Variants in PLG observed in about 807,000 individuals in gnomAD.
PLG encodes plasminogen.
PLG carries 41 observed loss-of-function variants against 104.4 expected under a neutral mutation model. The ratio of observed to expected loss-of-function variants is 0.39; its 90% CI spans 0.31 to 0.51. The LOEUF (loss-of-function observed/expected upper bound fraction) is 0.51. Ranked by LOEUF, PLG falls within the 20% of genes least tolerant of loss-of-function variation. The pLI is 0.76. For synonymous variants in PLG, 337 were observed against 357.1 expected, an observed-to-expected ratio of 0.94 and a Z score of 0.63; for missense variants, 891 against 1,003.6, an observed-to-expected ratio of 0.89 and a Z score of 1.52.
chr6:160,733,846 GAAAAAAAAAA>G (rs10540264), intron 12 of PLG, 139 bp from the exon 13 acceptor site: 31 of 349,776 alleles, frequency 8.9e-5, no homozygotes, highest in Non-Finnish European at 1.0e-4. Context: ...CTCCACCTCA[GAAAAAAAAAA>G]AAAAAAAAAA....
rs138197354 is a variant in PLG, at chr6:160,730,781, T to C, written c.1257-270T>C. ...GGTGGGAGGGGGATATTCTGATCCT[T>C]TTATTTACATGTTTATGTATGATCT... On this transcript the variant is annotated intron_variant, in intron 10 of 18. Transcript: ENST00000308192. The C allele has an allele frequency of 5.3e-4, 188 of 357,876 alleles. 1 individual carries two copies. Among genetic ancestry groups the C allele is most frequent in the African/African-American group, 3.8e-3 (182 of 48,400 alleles). The allele number at this position is 357,876 out of a possible 1,614,324, so 22.2% of individuals were successfully genotyped here.
intron 3 of PLG, among the ~76,000 whole-genome samples, chr6:160,709,733 A>C (rs1267231662): frequency 6.6e-6 from 1 of 152,150 alleles, no homozygotes; most frequent in Non-Finnish European, 1.5e-5. Context: ...TGAGTGTCTT[A>C]TGTCTACTGT....
intron 10 of PLG, among the ~76,000 whole-genome samples, chr6:160,729,973 T>C (rs1010796519): frequency 6.6e-6 from 1 of 152,214 alleles, no homozygotes; most frequent in Non-Finnish European, 1.5e-5. Context: ...CTTCCTCAAA[T>C]GGGGTGTCTG....
intron 10 of PLG, among the ~76,000 whole-genome samples, chr6:160,727,298 A>G (rs565718442): frequency 6.6e-6 from 1 of 151,882 alleles, no homozygotes; most frequent in East Asian, 1.9e-4. Flanking sequence ...TTAATATGTT[A>G]ATATATATTA....
At chr6:160,709,627 A>G (rs560077288) in intron 3 of PLG, among the ~76,000 whole-genome samples, 9 of 152,226 alleles carry the variant, frequency 5.9e-5, no homozygotes, top group South Asian at 2.1e-4. Flanking sequence ...GCTCCTTCTT[A>G]TCTCCTAGGT....
At chr6:160,748,411 AGAAAG>A (rs1778328637) in intron 17 of PLG, among the ~76,000 whole-genome samples, 1 of 52,546 alleles carries the variant, frequency 1.9e-5, no homozygotes, top group South Asian at 9.1e-4. Context: ...GAAGAAAGAA[AGAAAG>A]GGAAAGAAAG....
chr6:160,713,055 G>T lies in PLG; in HGVS notation c.477G>T (p.Pro159=), dbSNP rs555922023. ...ENYCRNPDND[P]QGPWCYTTDP... is the part of the protein sequence containing the mutation. ...ACTGCAGGAATCCAGACAACGATCC[G>T]CAGGGGCCCTGGTGCTATACTACTG... Residue 159 remains proline, a synonymous_variant, in exon 5 of 19, where the codon CCG becomes CCT. Coordinates refer to ENST00000308192, the MANE Select transcript of PLG (RefSeq NM_000301.5). 9 of 1,607,792 alleles carry T rather than the reference G, an allele frequency of 5.6e-6. No homozygotes were observed. Among genetic ancestry groups the T allele is most frequent in the Middle Eastern group, 2.3e-4 (1 of 4,418 alleles).
chr6:160,713,284 T>C lies in PLG; in HGVS notation c.547+159T>C, dbSNP rs1777676764. The C allele has an allele frequency of 3.0e-5, 20 of 674,748 alleles. 1 individual carries two copies. The South Asian group carries it at 3.3e-4, about 11-fold the overall frequency. The allele number at this position is 674,748 out of a possible 1,614,324, so 41.8% of individuals were successfully genotyped here. A position where few individuals can be genotyped will look rare whatever the true frequency, so the allele number is the denominator to read the frequency against. On this transcript the variant is annotated intron_variant, in intron 5 of 18. Transcript: ENST00000308192. ...CAGAATTAACCTGAATTTTTTTTTT[T>C]TCTGAGACAGAGTTTTGCTCTCGTT... is the stretch of plus-strand genomic sequence containing the variant.
chr6:160,706,385 C>T, intron 1 of PLG, 22 bp from the exon 2 acceptor site: 3 of 1,611,714 alleles, frequency 1.9e-6, no homozygotes, highest in Non-Finnish European at 2.5e-6. Context: ...CCATTTATTC[C>T]ACTTGGATCT....
chr6:160,737,098 G>A lies in PLG; in HGVS notation c.1802+91G>A. 1 of 1,556,142 alleles carries A rather than the reference G, an allele frequency of 6.4e-7. No homozygotes were observed. The highest frequency in any genetic ancestry group is 1.1e-5 in the South Asian group (1 of 87,260). On this transcript the variant is annotated intron_variant, in intron 14 of 18. Transcript: ENST00000308192. The surrounding 1 kb of genome is among the most constrained non-coding windows in gnomAD (Gnocchi z 4.7). ...TTTACATAAAATCCACACAGCTGAG[G>A]CATCAGCACCTGCCTCTAAGTTTTC...
rs868553257 is a variant in PLG, at chr6:160,735,677, T to C, written c.1682-1210T>C. Reference sequence around the variant, plus strand: ...AGCCTCTGGTGGTGAATGATTTTAATAACTATTTCCTTTCCACCAACATAT... The same window carrying C: ...AGCCTCTGGTGGTGAATGATTTTAACAACTATTTCCTTTCCACCAACATAT... On this transcript the variant is annotated intron_variant, in intron 13 of 18. Transcript: ENST00000308192. This position sits in a 1 kb window ranked among gnomAD's most constrained non-coding sequence, Gnocchi z 5.4. Among the ~76,000 whole-genome samples, 1 of 152,228 alleles carries C rather than the reference T, an allele frequency of 6.6e-6. No homozygotes were observed. The highest frequency in any genetic ancestry group is 2.1e-4 in the South Asian group (1 of 4,830).
chr6:160,733,492 C>A (rs4252138), intron 12 of PLG, among the ~76,000 whole-genome samples: 1 of 151,834 alleles, frequency 6.6e-6, no homozygotes, highest in Admixed American at 6.6e-5. Context: ...ACAGGAAGGA[C>A]GGCTTTAGAG....
chr6:160,729,142 C>T (rs1777960353), intron 10 of PLG, among the ~76,000 whole-genome samples: 1 of 143,090 alleles, frequency 7.0e-6, no homozygotes, highest in South Asian at 2.1e-4. Flanking sequence ...ACAATAAGCA[C>T]CTGAAAAAAT....
chr6:160,739,194 G>A lies in PLG; in HGVS notation c.2004G>A (p.Leu668=), dbSNP rs1450994400. ...FLEPTRKDIA[L]LKLSSPAVIT... Reference sequence around the variant, plus strand: ...AGCCCACACGAAAAGATATTGCCTTGCTAAAGCTAAGCAGGTACTCGTTCA... The same window carrying A: ...AGCCCACACGAAAAGATATTGCCTTACTAAAGCTAAGCAGGTACTCGTTCA... The change falls in exon 16 of 19, where the codon TTG becomes TTA. Residue 668 remains leucine, a synonymous_variant. Coordinates refer to ENST00000308192, the MANE Select transcript of PLG (RefSeq NM_000301.5). This position sits in a 1 kb window ranked among gnomAD's most constrained non-coding sequence, Gnocchi z 4.4. 6.2e-7 allele frequency: 1 copy of A among 1,614,144 alleles called. No homozygotes were observed. The highest frequency in any genetic ancestry group is 1.1e-5 in the South Asian group (1 of 91,078).
At chr6:160,722,298 G>C (rs892071509) in intron 9 of PLG, 110 bp from the exon 10 acceptor site, 1 of 736,706 alleles carries the variant, frequency 1.4e-6, no homozygotes, top group Non-Finnish European at 2.5e-6. Flanking sequence ...ATACAGAAAA[G>C]AGAACAGTCA....
rs118127759 is a variant in PLG, at chr6:160,706,074, C to T, written c.50-333C>T. On this transcript the variant is annotated intron_variant, in intron 1 of 18. Coordinates refer to ENST00000308192, the MANE Select transcript of PLG (RefSeq NM_000301.5). ...GCAGGTGTGTTACATAACTAAATTG[C>T]GTGACACTGAGCTTTGGGGTACAAA... 3,066 of 331,874 alleles carry T rather than the reference C, an allele frequency of 9.2e-3. 17 individuals are homozygous for T. The highest frequency in any genetic ancestry group is 0.014 in the Non-Finnish European group (2,445 of 174,988). 20.6% of individuals were successfully genotyped at this position (331,874 alleles called of 1,614,324 possible).
At chr6:160,707,373 G>C (rs1323131035) in intron 2 of PLG, among the ~76,000 whole-genome samples, 1 of 152,024 alleles carries the variant, frequency 6.6e-6, no homozygotes, top group East Asian at 1.9e-4. Context: ...TTGGCGAATG[G>C]GTTCAAAGCA....
chr6:160,741,395 C>T lies in PLG; in HGVS notation c.2103C>T (p.Ile701=), dbSNP rs1778192734. 5 of 1,611,862 alleles carry T rather than the reference C, an allele frequency of 3.1e-6. No homozygotes were observed. The change falls in exon 17 of 19, where the codon ATC becomes ATT. Residue 701 remains isoleucine (I), a synonymous_variant. Coordinates refer to ENST00000308192, the MANE Select transcript of PLG (RefSeq NM_000301.5). The surrounding 1 kb of genome is among the most constrained non-coding windows in gnomAD (Gnocchi z 4.7). ...YVVADRTECF[I]TGWGETQGTF... ...TCGCTGACCGGACCGAATGTTTCAT[C>T]ACTGGCTGGGGAGAAACCCAAGGTG...
chr6:160,719,099 A>T lies in PLG; in HGVS notation c.1096+261A>T, dbSNP rs1270918304. Among the ~76,000 whole-genome samples, 1 of 152,150 alleles carries T rather than the reference A, an allele frequency of 6.6e-6. No individual in the cohort carries two copies. The highest frequency in any genetic ancestry group is 1.5e-5 in the Non-Finnish European group (1 of 68,018). On this transcript the variant is annotated intron_variant, in intron 9 of 18. Coordinates refer to ENST00000308192, the MANE Select transcript of PLG (RefSeq NM_000301.5). The surrounding 1 kb of genome is among the most constrained non-coding windows in gnomAD (Gnocchi z 4.1). ...TTGGGTGGGGTGTTCCCTCAAGGTC[A>T]TTTAGGTGAAGTTGGTTGCTGGTGT...
Sources: gnomAD v4.1 joint callset for allele counts (sites outside exome capture counted in the v4.1 genomes callset) on GRCh38, gnomAD v4.1.1 for gene constraint, Gnocchi (gnomAD v3.1) non-coding constraint, MANE v1.5 for transcripts, NCBI Gene and HGNC (gene_info 2026-07-23, HGNC 2026-07-21) for gene names.